Variants in SMPD3 observed in about 807,000 individuals in gnomAD.
SMPD3 encodes the protein nSMase-2.
In SMPD3, 21 loss-of-function variants were observed where a neutral mutation model predicts 55.7. That is an observed-to-expected ratio of 0.38 (90% confidence interval 0.27 to 0.54). The LOEUF is 0.54. SMPD3 is among the 20% of genes least tolerant of loss of function. SMPD3 has a pLI of 0.80. For synonymous variants in SMPD3, 457 were observed against 404.3 expected, an observed-to-expected ratio of 1.13 and a Z score of -1.56; for missense variants, 842 against 899.6, an observed-to-expected ratio of 0.94 and a Z score of 0.82.
At chr16:68,366,998 ACT>A (rs1204436501) in intron 3 of SMPD3, among the ~76,000 whole-genome samples, 86 of 105,826 alleles carry the variant, frequency 8.1e-4, no homozygotes, top group Admixed American at 1.8e-3. Context: ...ACAGAGTGAG[ACT>A]CTGTCTCAAA....
At chr16:68,361,862 T>C in intron 7 of SMPD3, 103 bp from the exon 8 acceptor site, 1 of 677,194 alleles carries the variant, frequency 1.5e-6, no homozygotes, top group Non-Finnish European at 2.3e-6. Context: ...TGGGAGCGGG[T>C]GGGTGGGACC....
rs2089657340 is a variant in SMPD3, at chr16:68,371,258, C to T, written c.924G>A (p.Gly308=). 6.2e-7 allele frequency: 1 copy of T among 1,605,486 alleles called. No individual in the cohort carries two copies. Among genetic ancestry groups the T allele is most frequent in the Non-Finnish European group, 8.5e-7 (1 of 1,178,014 alleles). ...GCTCCCCGCTGGCACTGGTGTCTGG[C>T]CCAGCTCGCCCCTTCACCAGGGACT... ...SRESLVKGRA[G]PDTSASGEPG... The change falls in exon 3 of 9, where the codon GGG becomes GGA. Residue 308 remains glycine, a synonymous_variant. Transcript: ENST00000219334.
intron 1 of SMPD3, among the ~76,000 whole-genome samples, chr16:68,414,349 C>T (rs1046906822): frequency 2.6e-5 from 4 of 152,210 alleles, no homozygotes; most frequent in Non-Finnish European, 5.9e-5. Context: ...AAGTATCTTT[C>T]GGAATGTAAG....
In SMPD3 at chr16:68,363,479, G is replaced by A. The variant is rs1402506505; in HGVS notation, c.1709+17C>T. On this transcript the variant is annotated intron_variant, in intron 7 of 8. Transcript: ENST00000219334. ...TCAGGGTGTGCCTCGTCCCTGGCCT[G>A]GGAGCGCAGTGCTTACTTCTGCAGG... 1 of 1,613,798 alleles carries A rather than the reference G, an allele frequency of 6.2e-7. No individual in the cohort carries two copies. Among genetic ancestry groups the A allele is most frequent in the Non-Finnish European group, 8.5e-7 (1 of 1,179,894 alleles).
intron 1 of SMPD3, among the ~76,000 whole-genome samples, chr16:68,445,528 G>A (rs982539383): frequency 6.6e-6 from 1 of 152,170 alleles, no homozygotes; most frequent in African/African-American, 2.4e-5. Flanking sequence ...GTAGGAGGGA[G>A]CCCCCCAATA....
chr16:68,364,529 C>T (rs1465467), intron 5 of SMPD3: 290,111 of 540,870 alleles, frequency 0.54, 80,313 homozygotes, highest in East Asian at 0.8. Context: ...GTCAGAGGTT[C>T]GTTTTTAGGG....
intron 1 of SMPD3, among the ~76,000 whole-genome samples, chr16:68,414,984 C>T (rs970517557): frequency 1.3e-5 from 2 of 152,048 alleles, no homozygotes; most frequent in Non-Finnish European, 2.9e-5. Context: ...GATGCTGAGG[C>T]CTCATCTGAG....
At chr16:68,424,981 C>T (rs1315008144) in intron 1 of SMPD3, among the ~76,000 whole-genome samples, 1 of 152,150 alleles carries the variant, frequency 6.6e-6, no homozygotes, top group African/African-American at 2.4e-5. Flanking sequence ...CAAAATGCTG[C>T]GATTGCTGGT....
At chr16:68,430,980 C>T (rs2090475394) in intron 1 of SMPD3, among the ~76,000 whole-genome samples, 1 of 152,132 alleles carries the variant, frequency 6.6e-6, no homozygotes, top group African/African-American at 2.4e-5. Context: ...GATTTTGGCC[C>T]ATAATGCATA....
chr16:68,407,620 C>G (rs887040118), intron 1 of SMPD3, among the ~76,000 whole-genome samples: 1 of 152,110 alleles, frequency 6.6e-6, no homozygotes, highest in Non-Finnish European at 1.5e-5. Flanking sequence ...CAGGTGTGAG[C>G]TACTACAGGA....
intron 1 of SMPD3, among the ~76,000 whole-genome samples, chr16:68,430,265 A>G (rs1005677030): frequency 1.3e-5 from 2 of 151,714 alleles, no homozygotes; most frequent in African/African-American, 4.9e-5. Flanking sequence ...AATAATGCAT[A>G]GGATAACACA....
intron 8 of SMPD3, 123 bp downstream of exon 8, chr16:68,361,480 G>T: frequency 6.9e-7 from 1 of 1,444,658 alleles, no homozygotes; most frequent in Non-Finnish European, 9.4e-7. Flanking sequence ...CTGAGGGAGT[G>T]ATGGGTATCA....
chr16:68,420,072 C>T (rs1283225710), intron 1 of SMPD3, among the ~76,000 whole-genome samples: 2 of 151,634 alleles, frequency 1.3e-5, no homozygotes, highest in Non-Finnish European at 2.9e-5. Flanking sequence ...CAGCCTCAAC[C>T]TCCTAGGCTC....
chr16:68,415,860 A>G (rs1181699645), intron 1 of SMPD3, among the ~76,000 whole-genome samples: 1 of 148,652 alleles, frequency 6.7e-6, no homozygotes, highest in Non-Finnish European at 1.5e-5. Flanking sequence ...TAGGTATTTA[A>G]TGTGACATAT....
intron 5 of SMPD3, chr16:68,364,508 C>T: frequency 1.9e-6 from 1 of 515,902 alleles, no homozygotes; most frequent in Non-Finnish European, 3.4e-6. Flanking sequence ...CAGAGGCCCC[C>T]AGCCTTCCTT....
At chr16:68,406,071 G>A (rs2090252666) in intron 1 of SMPD3, among the ~76,000 whole-genome samples, 1 of 152,096 alleles carries the variant, frequency 6.6e-6, no homozygotes, top group African/African-American at 2.4e-5. Context: ...AACCCCCAAT[G>A]GTCTGATGCT....
chr16:68,424,584 G>A (rs761818721), intron 1 of SMPD3, among the ~76,000 whole-genome samples: 2 of 152,172 alleles, frequency 1.3e-5, no homozygotes, highest in Non-Finnish European at 2.9e-5. Context: ...AACAGCTGAG[G>A]GGATGAAATG....
chr16:68,429,420 G>T (rs1020301744), intron 1 of SMPD3, among the ~76,000 whole-genome samples: 1 of 152,230 alleles, frequency 6.6e-6, no homozygotes, highest in Non-Finnish European at 1.5e-5. Flanking sequence ...TGGAAACCTT[G>T]GTGCTGGGCT....
intron 1 of SMPD3, among the ~76,000 whole-genome samples, chr16:68,443,120 G>A (rs982877486): frequency 1.3e-5 from 2 of 152,290 alleles, no homozygotes; most frequent in East Asian, 1.9e-4. Flanking sequence ...CTCAGAAACC[G>A]GCCCCTGTGT....
Sources: allele counts gnomAD v4.1 joint callset (sites outside exome capture counted in the v4.1 genomes callset), GRCh38; gene constraint gnomAD v4.1.1; transcripts MANE v1.5; gene names NCBI Gene and HGNC (gene_info 2026-07-23, HGNC 2026-07-21).